ADGB: variants seen among roughly 807,000 people sequenced by gnomAD.
ADGB encodes the protein calpain-7-like protein.
Under a neutral mutation model 210.5 loss-of-function variants are expected in ADGB, and 172 were observed. That is an observed-to-expected ratio of 0.82 (90% CI 0.72 to 0.93). The LOEUF is 0.93. Among genes scored for constraint, ADGB ranks in the 40% least tolerant of loss-of-function variants. ADGB has a pLI of 0.00. For missense variants in ADGB, 2,025 were observed against 1,964.8 expected, an observed-to-expected ratio of 1.03 and a Z score of -0.58; for synonymous variants, 658 against 662.7, an observed-to-expected ratio of 0.99 and a Z score of 0.11.
intron 1 of ADGB, among the ~76,000 whole-genome samples, chr6:146,612,378 C>T (rs1309056018): frequency 6.6e-6 from 1 of 152,134 alleles, no homozygotes; most frequent in Non-Finnish European, 1.5e-5. Context: ...GGGAGTCATC[C>T]TTTTCTCTCC....
chr6:146,779,546 A>C (rs1163714213), intron 29 of ADGB, among the ~76,000 whole-genome samples: 1 of 152,182 alleles, frequency 6.6e-6, no homozygotes, highest in African/African-American at 2.4e-5. Context: ...AAAGCAAGGA[A>C]TCTTAAAAGC....
chr6:146,702,156 C>T (rs1583596850), intron 13 of ADGB, among the ~76,000 whole-genome samples: 1 of 151,916 alleles, frequency 6.6e-6, no homozygotes, highest in South Asian at 2.1e-4. Context: ...AAACCCTGTT[C>T]TAGGATATGA....
intron 13 of ADGB, among the ~76,000 whole-genome samples, chr6:146,707,421 GA>G (rs1776588742): frequency 6.6e-6 from 1 of 152,066 alleles, no homozygotes. Flanking sequence ...ATCCTTTGCT[GA>G]AAGAGGAGTA....
intron 35 of ADGB, chr6:146,803,601 G>A: frequency 7.4e-7 from 1 of 1,353,098 alleles, no homozygotes; most frequent in Non-Finnish European, 1.1e-6. Context: ...CCTCCTTCAT[G>A]TTCTTATCAG....
chr6:146,683,279 G>C (rs1395204106), intron 9 of ADGB, among the ~76,000 whole-genome samples: 1 of 152,084 alleles, frequency 6.6e-6, no homozygotes, highest in Admixed American at 6.6e-5. Context: ...TGTGCACACA[G>C]ATCTGCAGTG....
intron 10 of ADGB, among the ~76,000 whole-genome samples, chr6:146,688,715 C>A (rs1286737836): frequency 6.6e-6 from 1 of 152,108 alleles, no homozygotes; most frequent in Non-Finnish European, 1.5e-5. Flanking sequence ...CCTGCTGATT[C>A]TTTTAGGTTA....
chr6:146,781,321 C>T (rs553189081), intron 29 of ADGB, among the ~76,000 whole-genome samples: 3 of 148,050 alleles, frequency 2.0e-5, no homozygotes, highest in East Asian at 2.0e-4. Context: ...CCAGCCTGGG[C>T]GACAGAGTGA....
chr6:146,716,644 G>A (rs368997466), intron 14 of ADGB, among the ~76,000 whole-genome samples: 4 of 143,852 alleles, frequency 2.8e-5, no homozygotes, highest in African/African-American at 1.0e-4. Flanking sequence ...GAACAAATTC[G>A]TCAAAGTAAT....
At chr6:146,748,481 T>A (rs1165526016) in intron 26 of ADGB, among the ~76,000 whole-genome samples, 1 of 152,156 alleles carries the variant, frequency 6.6e-6, no homozygotes, top group African/African-American at 2.4e-5. Context: ...TCTCCTGGCT[T>A]CTTGTGGTTT....
intron 7 of ADGB, among the ~76,000 whole-genome samples, chr6:146,667,245 A>G (rs879669772): frequency 1.3e-5 from 2 of 152,030 alleles, no homozygotes; most frequent in African/African-American, 2.4e-5. Flanking sequence ...GTGACAAGAC[A>G]AAAGAAAATG....
chr6:146,617,412 A>G (rs780386127), intron 1 of ADGB, among the ~76,000 whole-genome samples: 2 of 151,990 alleles, frequency 1.3e-5, no homozygotes, highest in South Asian at 2.1e-4. Context: ...TTTCTTTCCA[A>G]TTTGGATGCC....
intron 14 of ADGB, among the ~76,000 whole-genome samples, chr6:146,715,913 T>C (rs1238681656): frequency 1.3e-5 from 2 of 151,014 alleles, no homozygotes; most frequent in Admixed American, 1.3e-4. Flanking sequence ...ACTAAAAATA[T>C]AAAAATTAGC....
intron 33 of ADGB, among the ~76,000 whole-genome samples, chr6:146,789,354 C>T (rs1021336871): frequency 2.6e-5 from 4 of 152,126 alleles, no homozygotes; most frequent in South Asian, 2.1e-4. Context: ...CTACATCCTC[C>T]GATTAAACCT....
Position 146,697,018 on chromosome 6 carries a change from T to G in ADGB, c.1578-3923T>G, listed in dbSNP as rs201554149. ...TAATTAAATTACAAGATTAAATGATTGTCATAGAAATGTGGAAAACTGGGT... is the reference window on the plus strand; with the variant it reads ...TAATTAAATTACAAGATTAAATGATGGTCATAGAAATGTGGAAAACTGGGT... On this transcript the variant is annotated intron_variant, in intron 12 of 35. Transcript: ENST00000397944. Among the ~76,000 whole-genome samples, 15 of 152,256 alleles carry G rather than the reference T, an allele frequency of 9.9e-5. No individual in the cohort carries two copies. In the East Asian group the frequency reaches 2.7e-3, roughly 27 times the overall value.
chr6:146,618,483 G>T (rs1433342057), intron 1 of ADGB, among the ~76,000 whole-genome samples: 1 of 151,626 alleles, frequency 6.6e-6, no homozygotes, highest in East Asian at 1.9e-4. Context: ...CTACTTTTTT[G>T]ATGAAAGTGT....
chr6:146,746,846 C>T lies in ADGB; in HGVS notation c.3365+737C>T, dbSNP rs150318347. Among the ~76,000 whole-genome samples, 24 of 152,264 alleles carry T rather than the reference C, an allele frequency of 1.6e-4. No homozygotes were observed. In the East Asian group the frequency reaches 4.6e-3, roughly 29 times the overall value. ...GTGCTCTCCTGATGGAACTAACAAC[C>T]ACCTCCTGATATATATGCCCAGAAA... On this transcript the variant is annotated intron_variant, in intron 26 of 35. Transcript: ENST00000397944.
At chr6:146,637,028 G>A (rs1775434206) in intron 2 of ADGB, among the ~76,000 whole-genome samples, 1 of 151,860 alleles carries the variant, frequency 6.6e-6, no homozygotes, top group Non-Finnish European at 1.5e-5. Context: ...GAATCAAATT[G>A]TGAATATATT....
intron 35 of ADGB, chr6:146,807,645 C>A (rs976143203): frequency 2.3e-6 from 3 of 1,321,382 alleles, no homozygotes; most frequent in African/African-American, 1.5e-5. Context: ...TTGTAATGAT[C>A]TTTAACTGCC....
At position 146,801,294 on chromosome 6, in the gene ADGB, A is replaced by G; in HGVS notation, c.4634+15A>G. ...CAATATGTTCGGTAAGTTTTCATAA[A>G]CATGATTGATGCAGACAACTGTGTG... On this transcript the variant is annotated intron_variant, in intron 34 of 35. Coordinates refer to ENST00000397944, the MANE Select transcript of ADGB (RefSeq NM_024694.4). The G allele has an allele frequency of 7.3e-7, 1 of 1,370,370 alleles. No individual in the cohort carries two copies. Among genetic ancestry groups the G allele is most frequent in the Non-Finnish European group, 9.8e-7 (1 of 1,017,568 alleles). 84.9% of individuals were successfully genotyped at this position (1,370,370 alleles called of 1,614,324 possible).
Sources: gnomAD v4.1 joint callset for allele counts (sites outside exome capture counted in the v4.1 genomes callset) on GRCh38, gnomAD v4.1.1 for gene constraint, MANE v1.5 for transcripts, NCBI Gene and HGNC (gene_info 2026-07-23, HGNC 2026-07-21) for gene names.